NTRK2: variants seen among roughly 807,000 people sequenced by gnomAD.
NTRK2 encodes BDNF/NT-3 growth factors receptor.
NTRK2 carries 13 observed loss-of-function variants against 94.5 expected under a neutral mutation model. The ratio of observed to expected loss-of-function variants is 0.14; its 90% CI spans 0.09 to 0.22. NTRK2 has a LOEUF of 0.22. NTRK2 is among the 10% of genes least tolerant of loss of function. The pLI, the probability that NTRK2 is intolerant of heterozygous loss-of-function variation, is 1.00. For synonymous variants in NTRK2, 372 were observed against 407.4 expected (o/e 0.91, Z 1.05); for missense variants, 639 against 1,071.2 (o/e 0.60, Z 5.63).
intron 17 of NTRK2, among the ~76,000 whole-genome samples, chr9:85,012,979 G>A (rs2133533608): frequency 6.6e-6 from 1 of 152,314 alleles, no homozygotes; most frequent in South Asian, 2.1e-4. Context: ...ATTACCTTAT[G>A]TTTGTGACCA....
chr9:84,934,022 C>T, intron 14 of NTRK2, 140 bp from the exon 15 acceptor site: 1 of 848,852 alleles, frequency 1.2e-6, no homozygotes, highest in South Asian at 1.4e-5. Context: ...TGAAGATGGA[C>T]ACCCAGCTTC....
At chr9:84,906,922 T>C (rs905341909) in intron 14 of NTRK2, among the ~76,000 whole-genome samples, 4 of 152,230 alleles carry the variant, frequency 2.6e-5, no homozygotes, top group African/African-American at 9.6e-5. Context: ...CTTTTGCTTT[T>C]TGTTAAAGTA....
intron 12 of NTRK2, among the ~76,000 whole-genome samples, chr9:84,832,802 T>C (rs1416247457): frequency 6.6e-6 from 1 of 152,196 alleles, no homozygotes; most frequent in South Asian, 2.1e-4. Context: ...TTTACGGAAG[T>C]GCTCCTGAGC....
At chr9:84,968,788 T>G (rs529669484) in intron 17 of NTRK2, among the ~76,000 whole-genome samples, 1 of 152,324 alleles carries the variant, frequency 6.6e-6, no homozygotes, top group Admixed American at 6.5e-5. Flanking sequence ...TATTAAGTAT[T>G]ATTTATTCTG....
intron 12 of NTRK2, among the ~76,000 whole-genome samples, chr9:84,839,359 C>T (rs2074046659): frequency 6.6e-6 from 1 of 152,088 alleles, no homozygotes; most frequent in African/African-American, 2.4e-5. Context: ...TCCATGAATC[C>T]CTTAGTCCCT....
intron 2 of NTRK2, among the ~76,000 whole-genome samples, chr9:84,700,429 G>T (rs963622144): frequency 6.6e-6 from 1 of 152,120 alleles, no homozygotes; most frequent in African/African-American, 2.4e-5. Context: ...AAAGCTTCCT[G>T]CACATTTATT....
intron 17 of NTRK2, among the ~76,000 whole-genome samples, chr9:84,963,211 ACTT>A (rs1455987531): frequency 6.6e-6 from 1 of 152,154 alleles, no homozygotes; most frequent in East Asian, 1.9e-4. Context: ...CTCTGCAAAT[ACTT>A]CTTTTTGTAC....
chr9:84,926,578 G>A (rs2077828663), intron 14 of NTRK2, among the ~76,000 whole-genome samples: 1 of 151,804 alleles, frequency 6.6e-6, no homozygotes, highest in African/African-American at 2.4e-5. Flanking sequence ...TTCCTCTTTT[G>A]GAAAAACCAA....
intron 13 of NTRK2, among the ~76,000 whole-genome samples, chr9:84,863,795 T>C (rs17087789): frequency 0.18 from 27,851 of 152,216 alleles, 2,735 homozygotes; most frequent in African/African-American, 0.25. Context: ...TGATGAATTG[T>C]TGAGGTTTAT....
rs1356398770 is a variant in NTRK2 at position 85,026,231 on chromosome 9, A to G, written c.*4794A>G. 4 of 230,718 alleles carry G rather than the reference A, an allele frequency of 1.7e-5. No homozygotes were observed. The highest frequency in any genetic ancestry group is 3.4e-5 in the Non-Finnish European group (4 of 116,550). 14.3% of individuals were successfully genotyped at this position (230,718 alleles called of 1,614,324 possible). ...CAAGCAACTATTTTGCCATCTTAAC[A>G]TACATCTCAGGAGACGAAATGAGAA... On this transcript the variant is annotated 3_prime_UTR_variant, in exon 19 of 19. Transcript: ENST00000277120.
At chr9:84,668,996 G>A (rs2058533941), upstream of NTRK2, among the ~76,000 whole-genome samples, 1 of 152,074 alleles carries the variant, frequency 6.6e-6, no homozygotes, top group Non-Finnish European at 1.5e-5. Context: ...TCTATTTCCC[G>A]GGCGTGTGAT....
chr9:84,875,483 A>T, intron 14 of NTRK2: 2 of 1,063,020 alleles, frequency 1.9e-6, no homozygotes, highest in South Asian at 9.1e-5. Flanking sequence ...GATAACTCCA[A>T]ATGCAGTTTA....
chr9:84,893,905 A>G lies in NTRK2; in HGVS notation c.1633+26474A>G, dbSNP rs145016361. On this transcript the variant is annotated intron_variant, in intron 14 of 18. Transcript: ENST00000277120. ...TTGACAACAAGAAACAGGTCACCCT[A>G]CTTTCCAAGATAGAAACAGTACATT... 3.9e-4 allele frequency among the ~76,000 whole-genome samples: 60 copies of G among 152,284 alleles called. No homozygotes were observed. The East Asian group carries it at 8.5e-3, about 22-fold the overall frequency.
chr9:84,891,720 G>T (rs902234916), intron 14 of NTRK2, among the ~76,000 whole-genome samples: 1 of 152,130 alleles, frequency 6.6e-6, no homozygotes, highest in African/African-American at 2.4e-5. Flanking sequence ...GAATCCCAAA[G>T]CTAAATACAA....
chr9:84,988,034 C>T (rs544351181), intron 17 of NTRK2, among the ~76,000 whole-genome samples: 1 of 152,344 alleles, frequency 6.6e-6, no homozygotes, highest in African/African-American at 2.4e-5. Flanking sequence ...CACAGATTTG[C>T]ACCAATAGAT....
At chr9:84,685,543 C>A (rs2059660146) in intron 2 of NTRK2, among the ~76,000 whole-genome samples, 1 of 152,118 alleles carries the variant, frequency 6.6e-6, no homozygotes, top group African/African-American at 2.4e-5. Context: ...ATAGCAAAGG[C>A]TGACAACTTC....
intron 12 of NTRK2, among the ~76,000 whole-genome samples, chr9:84,803,437 C>T (rs183197079): frequency 6.6e-5 from 10 of 152,286 alleles, no homozygotes; most frequent in Non-Finnish European, 2.9e-5. Context: ...AGCAGATATG[C>T]GGCCCTACCT....
intron 17 of NTRK2, among the ~76,000 whole-genome samples, chr9:84,973,593 C>A (rs907635899): frequency 1.3e-5 from 2 of 152,148 alleles, no homozygotes; most frequent in Non-Finnish European, 2.9e-5. Context: ...TAAGATCAAC[C>A]ACCTGTGGTT....
intron 17 of NTRK2, among the ~76,000 whole-genome samples, chr9:84,974,331 C>T (rs915223245): frequency 6.6e-6 from 1 of 152,156 alleles, no homozygotes; most frequent in African/African-American, 2.4e-5. Flanking sequence ...ATGAATCAAT[C>T]GTTATGTGGT....
Sources: allele counts gnomAD v4.1 joint callset (sites outside exome capture counted in the v4.1 genomes callset), GRCh38; gene constraint gnomAD v4.1.1; transcripts MANE v1.5; gene names NCBI Gene and HGNC (gene_info 2026-07-23, HGNC 2026-07-21).